The following ZBTB11 variants were observed in gnomAD, a reference collection of about 807,000 sequenced individuals.
The protein encoded by ZBTB11 is zinc finger and BTB domain containing 11, also known as zinc finger and BTB domain-containing protein 11.
A neutral mutation model predicts 113.1 loss-of-function variants in ZBTB11; 68 were observed. That is an observed-to-expected ratio of 0.60 (90% CI 0.49 to 0.74). The LOEUF is 0.74. Ranked by LOEUF, ZBTB11 falls within the 30% of genes least tolerant of loss-of-function variation. ZBTB11 has a pLI of 0.00. For missense variants in ZBTB11, 1,104 were observed against 1,279.4 expected (o/e 0.86, Z 2.09); for synonymous variants, 518 against 452.6 (o/e 1.14, Z -1.83).
At chr3:101,664,802 C>T (rs1936952994) in intron 4 of ZBTB11, 88 bp from the exon 5 acceptor site, 1 of 1,481,146 alleles carries the variant, frequency 6.8e-7, no homozygotes, top group Non-Finnish European at 9.1e-7. Flanking sequence ...AAAAAGATTT[C>T]AAATTCACAT....
At position 101,649,950 on chromosome 3, in the gene ZBTB11, A is replaced by G. The variant is rs1009525136; in HGVS notation, c.*1216T>C. The G allele has an allele frequency of 3.3e-5, 5 of 152,656 alleles. No homozygotes were observed. The highest frequency in any genetic ancestry group is 1.2e-4 in the African/African-American group (5 of 41,474). 9.5% of individuals were successfully genotyped at this position (152,656 alleles called of 1,614,324 possible). On this transcript the variant is annotated 3_prime_UTR_variant, in exon 11 of 11. Coordinates refer to ENST00000312938, the MANE Select transcript of ZBTB11 (RefSeq NM_014415.4). ...TTCTTTGAGTGGTAGTTTCCCAGAGAGAAATGTGGCATCTCTCATGGTTAT... is the reference window on the plus strand; with the variant it reads ...TTCTTTGAGTGGTAGTTTCCCAGAGGGAAATGTGGCATCTCTCATGGTTAT...
Position 101,650,525 on chromosome 3 carries a change from TATAG to T in ZBTB11, c.*637_*640del, listed in dbSNP as rs957691654. The T allele has an allele frequency of 2.0e-5, 3 of 152,626 alleles. No homozygotes were observed. The highest frequency in any genetic ancestry group is 1.9e-4 in the East Asian group (1 of 5,198). 9.5% of individuals were successfully genotyped at this position (152,626 alleles called of 1,614,324 possible). On this transcript the variant is annotated 3_prime_UTR_variant, in exon 11 of 11. Coordinates refer to ENST00000312938, the MANE Select transcript of ZBTB11 (RefSeq NM_014415.4). The stretch of plus-strand genomic sequence containing the variant: ...TAGCTATTCATTTATGGGTTCCTCA[TATAG>T]ATAAATATATTGTGCAAACTTGATT...
chr3:101,668,878 G>A (rs1478575837), intron 3 of ZBTB11, among the ~76,000 whole-genome samples: 1 of 151,636 alleles, frequency 6.6e-6, no homozygotes, highest in African/African-American at 2.4e-5. Context: ...ATCATTAAGA[G>A]GGCAAATTTT....
intron 3 of ZBTB11, 144 bp from the exon 4 acceptor site, chr3:101,665,952 G>A (rs1936989774): frequency 4.6e-6 from 4 of 867,628 alleles, no homozygotes; most frequent in Non-Finnish European, 6.9e-6. Flanking sequence ...ATTTTGTTCT[G>A]GTTTCTTATT....
At position 101,676,875 on chromosome 3, in the gene ZBTB11, G is replaced by C. The variant is rs546775763; in HGVS notation, c.40C>G (p.Leu14Val). The C allele has an allele frequency of 6.2e-7, 1 of 1,604,270 alleles. No individual in the cohort carries two copies. Among genetic ancestry groups the C allele is most frequent in the Non-Finnish European group, 8.5e-7 (1 of 1,174,750 alleles). ...GCATACGGCTCGCGCTCGTTCGTCA[G>C]GTAACGCAGGATGGCCCGGTAGCTT... ...EESYRAILRY[L>V]TNEREPYAPG... Residue 14 changes from leucine to valine, a missense_variant, in exon 1 of 11, where the codon CTG (leucine) becomes GTG (valine). This residue lies in a region of ZBTB11 where 245 missense variants were observed against 272.5 expected (regional missense o/e 0.90). Coordinates refer to ENST00000312938, the MANE Select transcript of ZBTB11 (RefSeq NM_014415.4).
chr3:101,669,227 T>C (rs1937046664), intron 3 of ZBTB11, among the ~76,000 whole-genome samples: 1 of 152,158 alleles, frequency 6.6e-6, no homozygotes, highest in African/African-American at 2.4e-5. Context: ...AGCCACAGGG[T>C]TTCACCATGT....
In ZBTB11 at chr3:101,660,120, A is replaced by G. The variant is rs184647093; in HGVS notation, c.1801-92T>C. 36 of 1,270,086 alleles carry G rather than the reference A, an allele frequency of 2.8e-5. No individual in the cohort carries two copies. In the Admixed American group the frequency reaches 3.2e-4, roughly 11 times the overall value. The allele number at this position is 1,270,086 out of a possible 1,614,324, so 78.7% of individuals were successfully genotyped here. ...ATATTTGGACTTTGTTTTTGTTACAATTATATAAATCAATAAACACACTAT... is the reference window on the plus strand; with the variant it reads ...ATATTTGGACTTTGTTTTTGTTACAGTTATATAAATCAATAAACACACTAT... On this transcript the variant is annotated intron_variant, in intron 5 of 10. Coordinates refer to ENST00000312938, the MANE Select transcript of ZBTB11 (RefSeq NM_014415.4).
intron 1 of ZBTB11, among the ~76,000 whole-genome samples, chr3:101,675,351 A>C (rs1159768003): frequency 6.6e-6 from 1 of 152,270 alleles, no homozygotes; most frequent in Non-Finnish European, 1.5e-5. Context: ...AAAGTGGAAA[A>C]TAAATGGAAG....
intron 3 of ZBTB11, among the ~76,000 whole-genome samples, chr3:101,666,280 A>G: frequency 6.6e-6 from 1 of 152,238 alleles, no homozygotes; most frequent in East Asian, 1.9e-4. Context: ...ACTAAAAGTA[A>G]AAAAACAATA....
rs1936860781 is a variant in ZBTB11 at position 101,659,977 on chromosome 3, G to A, written c.1852C>T (p.Arg618Cys). The A allele has an allele frequency of 6.2e-7, 1 of 1,614,080 alleles. No individual in the cohort carries two copies. Among genetic ancestry groups the A allele is most frequent in the Non-Finnish European group, 8.5e-7 (1 of 1,179,980 alleles). ...GAGGGTGCATCTTTTCTGGTATGAC[G>A]AATAAGATGTGCTCGCAAAGAGGCA... is the stretch of plus-strand genomic sequence containing the variant. The part of the protein sequence containing the change: ...YSASLRAHLI[R>C]HTRKDAPSSS... The change falls in exon 6 of 11, where the codon CGT becomes TGT. Residue 618 changes from arginine (R) to cysteine (C), a missense_variant. By Grantham distance (180) the Arg-to-Cys change is radical (BLOSUM62 -3). Transcript: ENST00000312938.
chr3:101,671,068 C>T (rs909070895), intron 3 of ZBTB11, 62 bp downstream of exon 3: 2 of 1,384,836 alleles, frequency 1.4e-6, no homozygotes, highest in Non-Finnish European at 2.0e-6. Context: ...GGAAGACATA[C>T]ATATCCCCCT....
chr3:101,659,718 C>T, intron 6 of ZBTB11, 65 bp downstream of exon 6: 1 of 1,571,578 alleles, frequency 6.4e-7, no homozygotes, highest in Non-Finnish European at 8.7e-7. Flanking sequence ...TCCCACCAGT[C>T]TCTTTGGCAC....
In ZBTB11 at chr3:101,651,718, G is replaced by T; in HGVS notation, c.2645-35C>A. 4.0e-6 allele frequency: 6 copies of T among 1,498,028 alleles called. No homozygotes were observed. In the South Asian group the frequency reaches 5.6e-5, roughly 14 times the overall value. 92.8% of individuals were successfully genotyped at this position (1,498,028 alleles called of 1,614,324 possible). ...AAAAAAAAAAAGCATGTGTAGTGAG[G>T]TGCAAGCACCAAAATATACTTAAAC... is the stretch of plus-strand genomic sequence containing the variant. On this transcript the variant is annotated intron_variant, in intron 10 of 10. Coordinates refer to ENST00000312938, the MANE Select transcript of ZBTB11 (RefSeq NM_014415.4).
In ZBTB11 at chr3:101,676,765, C is replaced by T. The variant is rs752471015; in HGVS notation, c.150G>A (p.Gln50=). 9.3e-6 allele frequency: 15 copies of T among 1,609,690 alleles called. No individual in the cohort carries two copies. Among genetic ancestry groups the T allele is most frequent in the Non-Finnish European group, 1.2e-5 (14 of 1,178,316 alleles). The change falls in exon 1 of 11, where the codon CAG becomes CAA. Residue 50 remains glutamine, a synonymous_variant. Transcript: ENST00000312938. Reference sequence around the variant, plus strand: ...AGGTCTTGCGGTGCCGCTGCCGCCGCTGGTAATACAGAGTCCCGCCGCGCA... The same window carrying T: ...AGGTCTTGCGGTGCCGCTGCCGCCGTTGGTAATACAGAGTCCCGCCGCGCA... ...YVVRGGTLYY[Q]RRQRHRKTFA... is the part of the protein sequence containing the mutation.
At chr3:101,672,774 C>T (rs967154593) in intron 1 of ZBTB11, among the ~76,000 whole-genome samples, 22 of 152,192 alleles carry the variant, frequency 1.4e-4, no homozygotes, top group Non-Finnish European at 1.8e-4. Flanking sequence ...CTTCTCCACC[C>T]CAGTGACATT....
chr3:101,659,253 A>G (rs566416522), intron 6 of ZBTB11, among the ~76,000 whole-genome samples: 7 of 152,062 alleles, frequency 4.6e-5, no homozygotes, highest in Admixed American at 4.6e-4. Flanking sequence ...AACAGACAAA[A>G]AAACCCAAAC....
At chr3:101,664,792 A>G in intron 4 of ZBTB11, 78 bp from the exon 5 acceptor site, 10 of 1,495,192 alleles carry the variant, frequency 6.7e-6, no homozygotes, top group Non-Finnish European at 9.0e-6. Flanking sequence ...AATTTCTAAC[A>G]AAAAGATTTC....
At chr3:101,653,040 G>A in intron 8 of ZBTB11, 102 bp from the exon 9 acceptor site, 1 of 1,239,308 alleles carries the variant, frequency 8.1e-7, no homozygotes, top group Non-Finnish European at 1.1e-6. Context: ...TCCAAAAGAT[G>A]ATCTCAACTT....
intron 5 of ZBTB11, chr3:101,662,272 G>A (rs1464843957): frequency 6.6e-6 from 1 of 152,116 alleles, no homozygotes; most frequent in African/African-American, 2.4e-5. Context: ...CTCTCGAAGT[G>A]TTGGAGTGTT....
Sources: gnomAD v4.1 joint callset for allele counts (sites outside exome capture counted in the v4.1 genomes callset) on GRCh38, gnomAD v4.1.1 for gene constraint, gnomAD v4.1.1 regional missense constraint, MANE v1.5 for transcripts, NCBI Gene and HGNC (gene_info 2026-07-23, HGNC 2026-07-21) for gene names.